Variants in VPS53 observed in about 807,000 individuals in gnomAD.
The protein encoded by VPS53 is VPS53 subunit of GARP complex.
In VPS53, 70 loss-of-function variants were observed where a neutral mutation model predicts 107.0. That is an observed-to-expected ratio of 0.65 (90% confidence interval 0.54 to 0.80). The LOEUF is 0.80. Among genes scored for constraint, VPS53 ranks in the 30% least tolerant of loss-of-function variants. The probability of loss-of-function intolerance (pLI) is 0.00; values close to 1 mark genes in which losing one functional copy is unlikely to be tolerated. For synonymous variants in VPS53, 409 were observed against 393.3 expected (o/e 1.04, Z -0.47); for missense variants, 917 against 1,049.4 (o/e 0.87, Z 1.74).
At chr17:547,634 T>C (rs1007765303) in intron 17 of VPS53, among the ~76,000 whole-genome samples, 4 of 152,124 alleles carry the variant, frequency 2.6e-5, no homozygotes, top group Non-Finnish European at 1.5e-5. Flanking sequence ...AACTAAATTG[T>C]ACACTTTATT....
intron 13 of VPS53, among the ~76,000 whole-genome samples, chr17:565,334 C>T (rs908430160): frequency 7.6e-6 from 1 of 132,178 alleles, no homozygotes; most frequent in Non-Finnish European, 1.5e-5. Context: ...ACCTGGGAGG[C>T]GGAAGTTGCA....
At chr17:527,250 T>C (rs1326550220) in intron 19 of VPS53, among the ~76,000 whole-genome samples, 3 of 151,970 alleles carry the variant, frequency 2.0e-5, no homozygotes, top group East Asian at 1.9e-4. Flanking sequence ...CTGTAGCTAG[T>C]TGCCTGCTCA....
chr17:629,554 G>A lies in VPS53; in HGVS notation c.688-1323C>T, dbSNP rs115572518. The stretch of plus-strand genomic sequence containing the variant: ...AGGCAGATCATGAGGTCAGGAGATC[G>A]AGATCCATCATGGCTAACATGGTGA... On this transcript the variant is annotated intron_variant, in intron 8 of 21. Transcript: ENST00000437048. 3.3e-3 allele frequency among the ~76,000 whole-genome samples: 504 copies of A among 151,844 alleles called. 3 individuals carry two copies. The highest frequency in any genetic ancestry group is 0.011 in the African/African-American group (472 of 41,402).
At chr17:618,951 A>C (rs558450527) in intron 11 of VPS53, among the ~76,000 whole-genome samples, 2 of 145,504 alleles carry the variant, frequency 1.4e-5, no homozygotes, top group African/African-American at 5.2e-5. Context: ...GCCTGCTAAT[A>C]TTTCCTGGGT....
chr17:713,201 C>CA lies in VPS53; in HGVS notation c.87+1421dup, dbSNP rs531213540. On this transcript the variant is annotated intron_variant, in intron 1 of 21. Transcript: ENST00000437048. ...TGGACAACAGAGCAAGACCCTATCT[C>CA]AAAAAAAAAAAGTTTCCCAGGGGTC... is the stretch of plus-strand genomic sequence containing the variant. Among the ~76,000 whole-genome samples, 248 of 143,850 alleles carry CA rather than the reference C, an allele frequency of 1.7e-3. 2 individuals are homozygous for CA. The highest frequency in any genetic ancestry group is 4.5e-3 in the African/African-American group (176 of 39,340). The allele number at this position is 143,850 out of a possible 152,430, so 94.4% of individuals were successfully genotyped here. A position where few individuals can be genotyped will look rare whatever the true frequency, so the allele number is the denominator to read the frequency against.
rs1334508004 is a variant in VPS53, at chr17:655,953, C to T, written c.373G>A (p.Val125Met). The change falls in exon 6 of 22, where the codon GTG becomes ATG. Residue 125 changes from valine to methionine, a missense_variant and splice_region_variant. Val to Met is a conservative substitution (Grantham distance 21). Coordinates refer to ENST00000437048, the MANE Select transcript of VPS53 (RefSeq NM_001128159.3). ...KDKAEKSEQM[V>M]KEITRDIKQL... is the part of the protein sequence containing the mutation. The stretch of plus-strand genomic sequence containing the variant: ...TTAATATCACGGGTGATTTCTTTCA[C>T]CTAAACATTGAAAAACCACAAGAAA... 6.2e-7 allele frequency: 1 copy of T among 1,611,676 alleles called. No homozygotes were observed. The highest frequency in any genetic ancestry group is 1.1e-5 in the South Asian group (1 of 90,658).
At position 524,608 on chromosome 17, in the gene VPS53, G is replaced by A. The variant is rs146981205; in HGVS notation, c.2086-2870C>T. ...CACAAAAGAGGAAACTCAAATGCCCGAAAGGCATATGAAATGACACGCAAC... is the reference window on the plus strand; with the variant it reads ...CACAAAAGAGGAAACTCAAATGCCCAAAAGGCATATGAAATGACACGCAAC... On this transcript the variant is annotated intron_variant, in intron 19 of 21. Transcript: ENST00000437048. The surrounding 1 kb of genome is among the most constrained non-coding windows in gnomAD (Gnocchi z 4.5). 5.9e-5 allele frequency among the ~76,000 whole-genome samples: 9 copies of A among 152,172 alleles called. No individual in the cohort carries two copies. Among genetic ancestry groups the A allele is most frequent in the Admixed American group, 3.9e-4 (6 of 15,276 alleles).
rs930401821 is a variant in VPS53, at chr17:546,872, T to C, written c.1866+5000A>G. ...CCATTCCTTAGGTCCCTTAGATCCT[T>C]TTTTTTTTTTTTTTTTTTTTGAGAC... is the stretch of plus-strand genomic sequence containing the variant. On this transcript the variant is annotated intron_variant, in intron 17 of 21. Coordinates refer to ENST00000437048, the MANE Select transcript of VPS53 (RefSeq NM_001128159.3). Among the ~76,000 whole-genome samples, 11 of 4,354 alleles carry C rather than the reference T, an allele frequency of 2.5e-3. No individual in the cohort carries two copies. In the South Asian group the frequency reaches 0.042, roughly 16 times the overall value. The allele number at this position is 4,354 out of a possible 152,430, so 2.9% of individuals were successfully genotyped here.
chr17:631,794 G>C (rs568159885), intron 7 of VPS53, among the ~76,000 whole-genome samples, 166 bp from the exon 8 acceptor site: 1 of 151,916 alleles, frequency 6.6e-6, no homozygotes, highest in South Asian at 2.1e-4. Context: ...AGGTTGATGA[G>C]CAGGACCCAG....
At position 680,825 on chromosome 17, in the gene VPS53, T is replaced by C. The variant is rs1159291635; in HGVS notation, c.285+16593A>G. Among the ~76,000 whole-genome samples, 4 of 152,238 alleles carry C rather than the reference T, an allele frequency of 2.6e-5. No homozygotes were observed. The East Asian group carries it at 7.7e-4, about 29-fold the overall frequency. On this transcript the variant is annotated intron_variant, in intron 4 of 21. Coordinates refer to ENST00000437048, the MANE Select transcript of VPS53 (RefSeq NM_001128159.3). Reference sequence around the variant, plus strand: ...GATACACTATGTAAAGTGCCTGTCATTAAAATCAAGAACAAACTGCCTGCC... The same window carrying C: ...GATACACTATGTAAAGTGCCTGTCACTAAAATCAAGAACAAACTGCCTGCC...
chr17:673,104 T>G (rs1178647057), intron 4 of VPS53, among the ~76,000 whole-genome samples: 5 of 135,156 alleles, frequency 3.7e-5, no homozygotes, highest in African/African-American at 5.3e-5. Context: ...AGAGCAAGAT[T>G]CCGTCGCAAA....
intron 11 of VPS53, among the ~76,000 whole-genome samples, chr17:604,229 C>T (rs1968457986): frequency 6.6e-6 from 1 of 152,052 alleles, no homozygotes; most frequent in African/African-American, 2.4e-5. Context: ...AGAACGTTCC[C>T]GGGCTCTGCT....
At chr17:565,672 G>T (rs929327265) in intron 13 of VPS53, among the ~76,000 whole-genome samples, 4 of 151,704 alleles carry the variant, frequency 2.6e-5, no homozygotes, top group African/African-American at 9.7e-5. Context: ...GAGGTTCCTC[G>T]CAACAGCTCC....
chr17:666,394 T>C (rs186693482), intron 4 of VPS53, among the ~76,000 whole-genome samples: 23 of 152,340 alleles, frequency 1.5e-4, no homozygotes, highest in Admixed American at 1.4e-3. Context: ...CTGGGCGCAG[T>C]GGCTCAGGCC....
At chr17:644,039 T>C (rs1463654547) in intron 7 of VPS53, among the ~76,000 whole-genome samples, 3 of 152,226 alleles carry the variant, frequency 2.0e-5, no homozygotes, top group African/African-American at 2.4e-5. Flanking sequence ...TTCAAGAGAA[T>C]GTAAGGCTCT....
At chr17:575,557 C>CAGA (rs1375670277) in intron 13 of VPS53, among the ~76,000 whole-genome samples, 1 of 151,582 alleles carries the variant, frequency 6.6e-6, no homozygotes, top group Non-Finnish European at 1.5e-5. Context: ...GAATCTCCCT[C>CAGA]AGAACCTAAT....
chr17:621,615 C>A (rs1434131289), intron 11 of VPS53, among the ~76,000 whole-genome samples: 1 of 152,032 alleles, frequency 6.6e-6, no homozygotes, highest in African/African-American at 2.4e-5. Flanking sequence ...GGAAAAATAT[C>A]CTGTTTTCTT....
chr17:528,246 GCCATTC>G (rs1419023316), intron 19 of VPS53, among the ~76,000 whole-genome samples: 2 of 152,156 alleles, frequency 1.3e-5, no homozygotes, highest in Admixed American at 6.5e-5. Context: ...CCCATTAGCA[GCCATTC>G]CCATCTCCCC....
chr17:528,179 C>A (rs1027357284), intron 19 of VPS53, among the ~76,000 whole-genome samples: 2 of 152,182 alleles, frequency 1.3e-5, no homozygotes, highest in Admixed American at 6.5e-5. Context: ...CAAGGTTGTA[C>A]AGCTGTCAGC....
Sources: allele counts gnomAD v4.1 joint callset (sites outside exome capture counted in the v4.1 genomes callset), GRCh38; gene constraint gnomAD v4.1.1; non-coding constraint Gnocchi (gnomAD v3.1); transcripts MANE v1.5; gene names NCBI Gene and HGNC (gene_info 2026-07-23, HGNC 2026-07-21).